Variants in HCFC2 observed in about 807,000 individuals in gnomAD.
The protein encoded by HCFC2 is host cell factor C2, also known as host cell factor 2.
HCFC2 carries 18 observed loss-of-function variants against 89.2 expected under a neutral mutation model. The observed-to-expected ratio is 0.20, with a 90% CI of 0.14 to 0.30. The LOEUF is 0.30. Ranked by LOEUF, HCFC2 falls within the 10% of genes least tolerant of loss-of-function variation. HCFC2 has a pLI of 1.00. For synonymous variants in HCFC2, 308 were observed against 335.7 expected (o/e 0.92, Z 0.90); for missense variants, 578 against 956.1 (o/e 0.60, Z 5.21).
intron 3 of HCFC2, among the ~76,000 whole-genome samples, chr12:104,075,235 A>G (rs1241728119): frequency 6.6e-6 from 1 of 151,972 alleles, no homozygotes; most frequent in Non-Finnish European, 1.5e-5. Context: ...TTTTAAAGTT[A>G]TAAAGACAAT....
At position 104,095,514 on chromosome 12, in the gene HCFC2, AGTT is replaced by A; in HGVS notation, c.1621_1623del (p.Val541del). On this transcript the variant is annotated inframe_deletion, in exon 11 of 15. Coordinates refer to ENST00000229330, the MANE Select transcript of HCFC2 (RefSeq NM_013320.3). The surrounding 1 kb of genome is among the most constrained non-coding windows in gnomAD (Gnocchi z 4.2). ...CTGAATCATCCAGTACAAATGGGGC[AGTT>A]GTTAAAGATGAAACTTCACTAACAA... The A allele has an allele frequency of 3.1e-6, 5 of 1,613,710 alleles. No individual in the cohort carries two copies. The highest frequency in any genetic ancestry group is 4.2e-6 in the Non-Finnish European group (5 of 1,179,736).
At position 104,086,665 on chromosome 12, in the gene HCFC2, A is replaced by T. The variant is rs573011544; in HGVS notation, c.1064-182A>T. ...AAATAAATAAATAAATAGAATAAGA[A>T]CCCCAAACTATTTTTATTTGACCTA... is the stretch of plus-strand genomic sequence containing the variant. On this transcript the variant is annotated intron_variant, in intron 7 of 14. Coordinates refer to ENST00000229330, the MANE Select transcript of HCFC2 (RefSeq NM_013320.3). Among the ~76,000 whole-genome samples, 15 of 145,884 alleles carry T rather than the reference A, an allele frequency of 1.0e-4. No homozygotes were observed. The East Asian group carries it at 2.9e-3, about 28-fold the overall frequency.
At chr12:104,078,710 T>C (rs1883589080) in intron 3 of HCFC2, among the ~76,000 whole-genome samples, 1 of 152,220 alleles carries the variant, frequency 6.6e-6, no homozygotes, top group South Asian at 2.1e-4. Flanking sequence ...TACAGTAAAC[T>C]GCCCCAAAAT....
At chr12:104,087,472 T>TATATATGTATATATATATAC (rs1566232431) in intron 8 of HCFC2, among the ~76,000 whole-genome samples, 21 of 118,952 alleles carry the variant, frequency 1.8e-4, no homozygotes, top group East Asian at 2.6e-4. Context: ...TATACATATA[T>TATATATGTATATATATATAC]ATATATATAT....
In HCFC2 at chr12:104,098,433, G is replaced by A. The variant is rs1373040710; in HGVS notation, c.1831G>A (p.Val611Met). ...AATTTTTAAAAATAATACAGCTTTG[G>A]TGAGCCAGTTTTATTTGCTGCCAAA... ...VGIFKNNTAL[V>M]SQFYLLPKGK... The change falls in exon 13 of 15, where the codon GTG (valine) becomes ATG (methionine). Residue 611 changes from valine (V) to methionine (M), a missense_variant. Val to Met is a conservative substitution (Grantham distance 21). Around this residue, in one of 4 missense-constraint regions of HCFC2, gnomAD observed 140 missense variants for 266.4 expected, o/e 0.53. Transcript: ENST00000229330. The A allele has an allele frequency of 6.2e-7, 1 of 1,611,330 alleles. No individual in the cohort carries two copies. Among genetic ancestry groups the A allele is most frequent in the Admixed American group, 1.7e-5 (1 of 59,764 alleles).
chr12:104,090,830 T>A (rs1884002295), intron 9 of HCFC2: 1 of 152,222 alleles, frequency 6.6e-6, no homozygotes, highest in African/African-American at 2.4e-5. Flanking sequence ...TACTTGGCTG[T>A]CCCTTTTTGT....
At position 104,078,554 on chromosome 12, in the gene HCFC2, A is replaced by G. The variant is rs138513791; in HGVS notation, c.474-891A>G. ...AAAAGCTATGTAGGACATTGCTATGACATTATAGTGAAAATTTTAAAAGTT... is the reference window on the plus strand; with the variant it reads ...AAAAGCTATGTAGGACATTGCTATGGCATTATAGTGAAAATTTTAAAAGTT... On this transcript the variant is annotated intron_variant, in intron 3 of 14. Coordinates refer to ENST00000229330, the MANE Select transcript of HCFC2 (RefSeq NM_013320.3). 5.4e-4 allele frequency among the ~76,000 whole-genome samples: 82 copies of G among 152,336 alleles called. 1 individual carries two copies. In the East Asian group the frequency reaches 0.016, roughly 29 times the overall value.
In HCFC2 at chr12:104,104,354, A is replaced by C. The variant is rs890624002; in HGVS notation, c.*1081A>C. The stretch of plus-strand genomic sequence containing the variant: ...AGACAGCTAACTCAGGTTCCATTAC[A>C]ACCTTAAAGATACAGATAGGCATTA... On this transcript the variant is annotated 3_prime_UTR_variant, in exon 15 of 15. Coordinates refer to ENST00000229330, the MANE Select transcript of HCFC2 (RefSeq NM_013320.3). 2 of 152,058 alleles carry C rather than the reference A, an allele frequency of 1.3e-5. No individual in the cohort carries two copies. The highest frequency in any genetic ancestry group is 2.9e-5 in the Non-Finnish European group (2 of 67,896). 9.4% of individuals were successfully genotyped at this position (152,058 alleles called of 1,614,324 possible).
intron 10 of HCFC2, 102 bp downstream of exon 10, chr12:104,093,665 A>G (rs182402729): frequency 8.5e-6 from 9 of 1,061,332 alleles, no homozygotes; most frequent in Non-Finnish European, 1.2e-5. Flanking sequence ...CCATTTTCCT[A>G]ATAGCAAAAA....
intron 10 of HCFC2, among the ~76,000 whole-genome samples, chr12:104,094,366 G>A (rs995313921): frequency 5.9e-5 from 9 of 152,066 alleles, no homozygotes; most frequent in African/African-American, 2.2e-4. Flanking sequence ...TATGGATTTG[G>A]GAATGGTATT....
chr12:104,087,352 TAAAA>T (rs67436445), intron 8 of HCFC2, among the ~76,000 whole-genome samples: 1 of 129,076 alleles, frequency 7.7e-6, no homozygotes, highest in Non-Finnish European at 1.6e-5. Flanking sequence ...GACTCTGTCT[TAAAA>T]AAAAAAAAAA....
intron 7 of HCFC2, among the ~76,000 whole-genome samples, chr12:104,083,221 G>A (rs1293836648): frequency 2.0e-5 from 3 of 152,044 alleles, no homozygotes; most frequent in Non-Finnish European, 4.4e-5. Flanking sequence ...AAGTGATCAA[G>A]GTTAATATCA....
In HCFC2 at chr12:104,068,082, G is replaced by A. The variant is rs755592892; in HGVS notation, c.448G>A (p.Glu150Lys). ...GTTTGGTGGCCTGGCAAACGAAAGC[G>A]AAGATTCAAACAATAATGTTCCCAG... is the stretch of plus-strand genomic sequence containing the variant. The part of the protein sequence containing the change: ...YLFGGLANES[E>K]DSNNNVPRYL... The change falls in exon 3 of 15, where the codon GAA becomes AAA. Residue 150 changes from glutamate to lysine, a missense_variant. Physicochemically the swap from Glu to Lys is moderately conservative, Grantham distance 56. This residue lies in a region of HCFC2 where 206 missense variants were observed against 419.2 expected (regional missense o/e 0.49). Coordinates refer to ENST00000229330, the MANE Select transcript of HCFC2 (RefSeq NM_013320.3). This position sits in a 1 kb window ranked among gnomAD's most constrained non-coding sequence, Gnocchi z 4.1. 16 of 1,598,546 alleles carry A rather than the reference G, an allele frequency of 1.0e-5. No homozygotes were observed. The highest frequency in any genetic ancestry group is 3.3e-4 in the Middle Eastern group (2 of 6,034).
chr12:104,091,500 G>A (rs12424943), intron 9 of HCFC2, among the ~76,000 whole-genome samples: 13,498 of 152,256 alleles, frequency 0.089, 874 homozygotes, highest in Admixed American at 0.17. Context: ...TTCCTTAAAA[G>A]GTTATAGCTT....
intron 3 of HCFC2, 118 bp from the exon 4 acceptor site, chr12:104,079,327 C>T (rs1883610549): frequency 2.5e-6 from 2 of 784,882 alleles, no homozygotes; most frequent in African/African-American, 3.5e-5. Flanking sequence ...CTCCTAATGC[C>T]TTTCTGTACT....
intron 3 of HCFC2, among the ~76,000 whole-genome samples, chr12:104,075,708 C>T (rs1883473204): frequency 6.6e-6 from 1 of 152,194 alleles, no homozygotes; most frequent in Admixed American, 6.5e-5. Context: ...AGTCCTCCTA[C>T]CTCAGTCTCC....
rs1186265384 is a variant in HCFC2, at chr12:104,103,940, T to G, written c.*667T>G. 1.3e-5 allele frequency: 2 copies of G among 152,080 alleles called. No homozygotes were observed. Among genetic ancestry groups the G allele is most frequent in the Non-Finnish European group, 2.9e-5 (2 of 67,946 alleles). 9.4% of individuals were successfully genotyped at this position (152,080 alleles called of 1,614,324 possible). On this transcript the variant is annotated 3_prime_UTR_variant, in exon 15 of 15. Transcript: ENST00000229330. ...TTGATTCTTACCAGGCCAATATATT[T>G]GAATATATTTTTGGCCAAAGCACTT...
chr12:104,071,263 A>T (rs1044763032), intron 3 of HCFC2, among the ~76,000 whole-genome samples: 11 of 152,240 alleles, frequency 7.2e-5, no homozygotes, highest in African/African-American at 2.7e-4. Context: ...AGTTTGATGT[A>T]CATCTTTTGG....
In HCFC2 at chr12:104,095,248, T is replaced by C. The variant is rs888152165; in HGVS notation, c.1463-112T>C. 6 of 746,038 alleles carry C rather than the reference T, an allele frequency of 8.0e-6. No individual in the cohort carries two copies. Among genetic ancestry groups the C allele is most frequent in the Non-Finnish European group, 1.3e-5 (6 of 451,372 alleles). The allele number at this position is 746,038 out of a possible 1,614,324, so 46.2% of individuals were successfully genotyped here. On this transcript the variant is annotated intron_variant, in intron 10 of 14. Coordinates refer to ENST00000229330, the MANE Select transcript of HCFC2 (RefSeq NM_013320.3). The surrounding 1 kb of genome is among the most constrained non-coding windows in gnomAD (Gnocchi z 4.2). ...TTCATACTAATACCATTTGTGGTGCTCATGTATGATTTTAAAACTGAAAGT... is the reference window on the plus strand; with the variant it reads ...TTCATACTAATACCATTTGTGGTGCCCATGTATGATTTTAAAACTGAAAGT...
Sources: gnomAD v4.1 joint callset for allele counts (sites outside exome capture counted in the v4.1 genomes callset) on GRCh38, gnomAD v4.1.1 for gene constraint, gnomAD v4.1.1 regional missense constraint, Gnocchi (gnomAD v3.1) non-coding constraint, MANE v1.5 for transcripts, NCBI Gene and HGNC (gene_info 2026-07-23, HGNC 2026-07-21) for gene names.